The following GRM5 variants were observed in gnomAD, a reference collection of about 807,000 sequenced individuals.
GRM5 encodes the protein glutamate metabotropic receptor 5.
In GRM5, 19 loss-of-function variants were observed where a neutral mutation model predicts 83.1. That is an observed-to-expected ratio of 0.23 (90% CI 0.16 to 0.34). The LOEUF is 0.34. Ranked by LOEUF, GRM5 falls within the 10% of genes least tolerant of loss-of-function variation. The pLI is 1.00. For synonymous variants in GRM5, 675 were observed against 633.6 expected (o/e 1.07, Z -0.98); for missense variants, 1,160 against 1,588.3 (o/e 0.73, Z 4.58).
chr11:88,542,831 G>A (rs910075828), intron 8 of GRM5, among the ~76,000 whole-genome samples: 1 of 152,196 alleles, frequency 6.6e-6, no homozygotes, highest in Admixed American at 6.5e-5. Flanking sequence ...CACTTTGGGA[G>A]GAAGAGGCTG....
At chr11:88,670,744 A>C (rs888909779) in intron 3 of GRM5, among the ~76,000 whole-genome samples, 1 of 152,070 alleles carries the variant, frequency 6.6e-6, no homozygotes, top group African/African-American at 2.4e-5. Context: ...AGCTAAAACC[A>C]CTACGAATAG....
At chr11:88,549,131 T>C (rs1942446418) in intron 8 of GRM5, among the ~76,000 whole-genome samples, 1 of 152,048 alleles carries the variant, frequency 6.6e-6, no homozygotes, top group African/African-American at 2.4e-5. Flanking sequence ...GAAAGGGAGA[T>C]AAATTCAGGC....
chr11:88,922,540 A>T (rs1331631865), intron 2 of GRM5, among the ~76,000 whole-genome samples: 1 of 152,186 alleles, frequency 6.6e-6, no homozygotes, highest in Non-Finnish European at 1.5e-5. Flanking sequence ...AGAAGAATAA[A>T]ACTATACTCT....
chr11:88,845,850 G>C (rs903662578), intron 3 of GRM5, among the ~76,000 whole-genome samples: 2 of 152,102 alleles, frequency 1.3e-5, no homozygotes, highest in African/African-American at 4.8e-5. Context: ...CTGTATACTT[G>C]TTTGAAAATG....
At chr11:88,660,455 C>G (rs1237680369) in intron 3 of GRM5, among the ~76,000 whole-genome samples, 1 of 152,170 alleles carries the variant, frequency 6.6e-6, no homozygotes, top group Non-Finnish European at 1.5e-5. Context: ...ATTAATACTA[C>G]AACTCCATGG....
chr11:88,924,134 C>CAA (rs59939060), intron 2 of GRM5, among the ~76,000 whole-genome samples: 23 of 146,894 alleles, frequency 1.6e-4, no homozygotes, highest in African/African-American at 2.8e-4. Flanking sequence ...TAGCTATAAT[C>CAA]AAAAAAAAAA....
At chr11:88,821,792 A>G (rs542929527) in intron 3 of GRM5, among the ~76,000 whole-genome samples, 1 of 152,274 alleles carries the variant, frequency 6.6e-6, no homozygotes, top group South Asian at 2.1e-4. Flanking sequence ...TCTAGCCACA[A>G]AAAATTAAAA....
At chr11:89,007,330 T>A (rs1249835139) in intron 2 of GRM5, among the ~76,000 whole-genome samples, 1 of 152,218 alleles carries the variant, frequency 6.6e-6, no homozygotes, top group African/African-American at 2.4e-5. Flanking sequence ...GTTCTTTTCA[T>A]GTCAGCATAT....
intron 3 of GRM5, among the ~76,000 whole-genome samples, chr11:88,708,008 C>T (rs1045246141): frequency 5.3e-5 from 8 of 152,144 alleles, no homozygotes; most frequent in Non-Finnish European, 8.8e-5. Context: ...TTGAGAACCA[C>T]CTGCACTACA....
chr11:88,876,562 G>A (rs1414197444), intron 2 of GRM5, among the ~76,000 whole-genome samples: 11 of 151,976 alleles, frequency 7.2e-5, no homozygotes, highest in East Asian at 5.8e-4. Flanking sequence ...TTAGTGTATC[G>A]GGGCTTTTGA....
At position 88,723,053 on chromosome 11, in the gene GRM5, G is replaced by A. The variant is rs550122935; in HGVS notation, c.912-69650C>T. Among the ~76,000 whole-genome samples, 154 of 151,854 alleles carry A rather than the reference G, an allele frequency of 1.0e-3. 1 individual carries two copies. The highest frequency in any genetic ancestry group is 3.4e-3 in the Middle Eastern group (1 of 292). ...CCTGCTCCCTCCTCCCTTGAAACCC[G>A]TCAACCACTAATATTTTTACTGTTT... On this transcript the variant is annotated intron_variant, in intron 3 of 9. Coordinates refer to ENST00000305447, the MANE Select transcript of GRM5 (RefSeq NM_001143831.3).
intron 7 of GRM5, among the ~76,000 whole-genome samples, chr11:88,589,714 G>A (rs1439367592): frequency 6.6e-6 from 1 of 152,062 alleles, no homozygotes; most frequent in Non-Finnish European, 1.5e-5. Flanking sequence ...TCTTTTTCTT[G>A]CATACTCAGT....
chr11:88,971,362 T>A (rs1939159320), intron 2 of GRM5, among the ~76,000 whole-genome samples: 2 of 152,098 alleles, frequency 1.3e-5, no homozygotes, highest in South Asian at 4.1e-4. Flanking sequence ...GGGAGTTTGG[T>A]GTACAGATTA....
rs535793328 is a variant in GRM5, at chr11:88,915,939, GT to G, written c.662-65785del. Among the ~76,000 whole-genome samples the G allele has an allele frequency of 3.8e-3, 579 of 152,202 alleles. 3 individuals are homozygous for G. The highest frequency in any genetic ancestry group is 0.013 in the African/African-American group (554 of 41,552). On this transcript the variant is annotated intron_variant, in intron 2 of 9. Coordinates refer to ENST00000305447, the MANE Select transcript of GRM5 (RefSeq NM_001143831.3). The stretch of plus-strand genomic sequence containing the variant: ...TGAAGAAAATGAAGTTTTTACTTAA[GT>G]AAAGAAAACAAAAACTACCACAGAA...
intron 8 of GRM5, among the ~76,000 whole-genome samples, chr11:88,557,087 CAT>C (rs1216091601): frequency 6.6e-6 from 1 of 152,110 alleles, no homozygotes; most frequent in East Asian, 1.9e-4. Flanking sequence ...TTTGAAGATA[CAT>C]AGACCTGCGT....
intron 3 of GRM5, among the ~76,000 whole-genome samples, chr11:88,681,849 G>T (rs1213015632): frequency 6.6e-6 from 1 of 151,742 alleles, no homozygotes; most frequent in African/African-American, 2.4e-5. Context: ...CATTACAGGC[G>T]TGAGTCACTG....
At chr11:88,983,512 T>G (rs948779004) in intron 2 of GRM5, among the ~76,000 whole-genome samples, 1 of 152,172 alleles carries the variant, frequency 6.6e-6, no homozygotes, top group African/African-American at 2.4e-5. Context: ...ATCACTGGTG[T>G]TTGTGGTGAT....
chr11:88,672,786 A>T (rs1940225434), intron 3 of GRM5, among the ~76,000 whole-genome samples: 1 of 152,020 alleles, frequency 6.6e-6, no homozygotes, highest in Non-Finnish European at 1.5e-5. Flanking sequence ...ATAACTGGAA[A>T]AACTGAAAGG....
At chr11:88,625,445 G>C (rs764687773) in intron 4 of GRM5, among the ~76,000 whole-genome samples, 57 of 152,066 alleles carry the variant, frequency 3.7e-4, no homozygotes, top group Non-Finnish European at 6.2e-4. Flanking sequence ...TTTTTCTAAG[G>C]AAAAATCCTT....
Sources: gnomAD v4.1 joint callset for allele counts (sites outside exome capture counted in the v4.1 genomes callset) on GRCh38, gnomAD v4.1.1 for gene constraint, MANE v1.5 for transcripts, NCBI Gene and HGNC (gene_info 2026-07-23, HGNC 2026-07-21) for gene names.